The following DEPTOR variants were observed in gnomAD, a reference collection of about 807,000 sequenced individuals.
The protein encoded by DEPTOR is DEP domain containing MTOR interacting protein.
Under a neutral mutation model 41.6 loss-of-function variants are expected in DEPTOR, and 41 were observed. That is an observed-to-expected ratio of 0.98 (90% CI 0.77 to 1.28). The LOEUF (loss-of-function observed/expected upper bound fraction) is 1.28, where lower values mean the gene tolerates loss of function less well. Among genes scored for constraint, DEPTOR ranks in the 50% most tolerant of loss-of-function variants. The pLI is 0.00. For synonymous variants in DEPTOR, 195 were observed against 192.3 expected, an observed-to-expected ratio of 1.01 and a Z score of -0.12; for missense variants, 514 against 527.9, an observed-to-expected ratio of 0.97 and a Z score of 0.26.
chr8:119,993,140 G>T (rs566353129), intron 4 of DEPTOR, among the ~76,000 whole-genome samples: 1 of 152,058 alleles, frequency 6.6e-6, no homozygotes, highest in Non-Finnish European at 1.5e-5. Flanking sequence ...ATGTAGTCAC[G>T]TTATCCCCAG....
intron 3 of DEPTOR, among the ~76,000 whole-genome samples, chr8:119,951,319 C>T (rs181024959): frequency 8.5e-5 from 13 of 152,234 alleles, no homozygotes; most frequent in African/African-American, 3.1e-4. Context: ...AAAAGGCTCA[C>T]CGAGGTTTGA....
intron 8 of DEPTOR, among the ~76,000 whole-genome samples, chr8:120,033,307 G>A (rs1036255073): frequency 3.9e-5 from 6 of 151,904 alleles, no homozygotes; most frequent in Non-Finnish European, 4.4e-5. Flanking sequence ...GGCTGGCCTC[G>A]AACTCCTAAC....
intron 4 of DEPTOR, among the ~76,000 whole-genome samples, chr8:119,979,502 A>G (rs1828736305): frequency 6.6e-6 from 1 of 152,006 alleles, no homozygotes; most frequent in Non-Finnish European, 1.5e-5. Context: ...ACCTCACGTG[A>G]TGCACCCGCC....
intron 8 of DEPTOR, among the ~76,000 whole-genome samples, chr8:120,022,142 A>T (rs1325474414): frequency 8.1e-6 from 1 of 123,538 alleles, no homozygotes; most frequent in Non-Finnish European, 1.7e-5. Flanking sequence ...TGGGTGACAG[A>T]GCGAGACCCC....
Position 119,908,833 on chromosome 8 carries a change from C to T in DEPTOR, c.123-19567C>T, listed in dbSNP as rs140886457. Among the ~76,000 whole-genome samples, 11 of 152,244 alleles carry T rather than the reference C, an allele frequency of 7.2e-5. No homozygotes were observed. In the East Asian group the frequency reaches 1.7e-3, roughly 24 times the overall value. On this transcript the variant is annotated intron_variant, in intron 1 of 8. Transcript: ENST00000286234. ...GGGAAAATTACAAGTCTGATAAATG[C>T]GGACTGATTTTCTGGACATTTTACA...
intron 1 of DEPTOR, among the ~76,000 whole-genome samples, chr8:119,913,810 T>A (rs1445829715): frequency 6.6e-6 from 1 of 152,124 alleles, no homozygotes; most frequent in African/African-American, 2.4e-5. Flanking sequence ...TGACTCCTCC[T>A]AGAGACAACA....
At chr8:119,994,074 T>A (rs1464610040) in intron 4 of DEPTOR, among the ~76,000 whole-genome samples, 2 of 151,372 alleles carry the variant, frequency 1.3e-5, no homozygotes, top group African/African-American at 4.9e-5. Context: ...GAGGTGGAGG[T>A]TGCAGTAATC....
intron 1 of DEPTOR, among the ~76,000 whole-genome samples, chr8:119,897,893 T>A (rs1827541202): frequency 6.6e-6 from 1 of 152,234 alleles, no homozygotes; most frequent in Non-Finnish European, 1.5e-5. Context: ...AAACACTCAT[T>A]GTTAGTTGCT....
chr8:119,969,480 G>A (rs985666998), intron 4 of DEPTOR, among the ~76,000 whole-genome samples: 9 of 151,200 alleles, frequency 6.0e-5, no homozygotes, highest in South Asian at 2.1e-4. Flanking sequence ...TCAGCCTCCC[G>A]AGTAGCTGGG....
At chr8:119,891,906 A>G (rs1827457398) in intron 1 of DEPTOR, among the ~76,000 whole-genome samples, 1 of 152,162 alleles carries the variant, frequency 6.6e-6, no homozygotes, top group Non-Finnish European at 1.5e-5. Context: ...GCATAACTCA[A>G]CTGAGTAAAG....
chr8:119,963,730 A>G (rs1828520744), intron 3 of DEPTOR, among the ~76,000 whole-genome samples: 1 of 152,118 alleles, frequency 6.6e-6, no homozygotes, highest in Non-Finnish European at 1.5e-5. Flanking sequence ...GCATAGGGGA[A>G]CACTTATAGG....
intron 8 of DEPTOR, among the ~76,000 whole-genome samples, chr8:120,015,982 G>A (rs189320498): frequency 1.7e-3 from 264 of 152,272 alleles, no homozygotes; most frequent in African/African-American, 6.2e-3. Context: ...CCAGGGAATC[G>A]CCATGTTTGT....
At chr8:119,969,279 A>G (rs1003464981) in intron 4 of DEPTOR, among the ~76,000 whole-genome samples, 2 of 152,220 alleles carry the variant, frequency 1.3e-5, no homozygotes, top group Non-Finnish European at 2.9e-5. Flanking sequence ...CTGTAATGCT[A>G]TAAACAGAAA....
chr8:119,990,307 A>G (rs527524330), intron 4 of DEPTOR, among the ~76,000 whole-genome samples: 6 of 151,952 alleles, frequency 3.9e-5, no homozygotes, highest in Admixed American at 3.3e-4. Flanking sequence ...ACAGGCGCCC[A>G]CCACCATGCC....
chr8:119,937,638 T>C (rs1828131260), intron 3 of DEPTOR, among the ~76,000 whole-genome samples: 1 of 152,098 alleles, frequency 6.6e-6, no homozygotes, highest in Non-Finnish European at 1.5e-5. Flanking sequence ...GAGTCTGAGA[T>C]TTTTACCCTA....
At chr8:119,942,960 A>AT (rs1440603859) in intron 3 of DEPTOR, among the ~76,000 whole-genome samples, 1 of 152,258 alleles carries the variant, frequency 6.6e-6, no homozygotes, top group Non-Finnish European at 1.5e-5. Flanking sequence ...CCCAAGCTGC[A>AT]TAAAAAACAC....
At chr8:119,988,840 G>A (rs550139056) in intron 4 of DEPTOR, among the ~76,000 whole-genome samples, 82 of 150,196 alleles carry the variant, frequency 5.5e-4, no homozygotes, top group Non-Finnish European at 9.0e-4. Context: ...TATAGATGAA[G>A]AAAACTAAAA....
At chr8:119,881,572 G>A (rs1454898583) in intron 1 of DEPTOR, among the ~76,000 whole-genome samples, 1 of 151,010 alleles carries the variant, frequency 6.6e-6, no homozygotes, top group Non-Finnish European at 1.5e-5. Flanking sequence ...TTGAACCAAA[G>A]ATCAAGCTCT....
chr8:120,016,752 T>C (rs1446319447), intron 8 of DEPTOR, among the ~76,000 whole-genome samples: 1 of 151,620 alleles, frequency 6.6e-6, no homozygotes, highest in African/African-American at 2.4e-5. Flanking sequence ...AGGCACATCA[T>C]GCCACCATGC....
Sources: allele counts gnomAD v4.1 joint callset (sites outside exome capture counted in the v4.1 genomes callset), GRCh38; gene constraint gnomAD v4.1.1; transcripts MANE v1.5; gene names NCBI Gene and HGNC (gene_info 2026-07-23, HGNC 2026-07-21).